IGLL5: variants seen among roughly 807,000 people sequenced by gnomAD.
IGLL5 encodes immunoglobulin lambda-like polypeptide 5.
In IGLL5, 30 loss-of-function variants were observed where a neutral mutation model predicts 20.9. The ratio of observed to expected loss-of-function variants is 1.44; its 90% CI spans 1.07 to 1.95. The LOEUF is 1.95. Ranked by LOEUF, IGLL5 falls within the 30% of genes most tolerant of loss-of-function variation. The pLI is 0.00. For missense variants in IGLL5, 475 were observed against 270.7 expected (o/e 1.75, Z -5.30); for synonymous variants, 203 against 117.3 (o/e 1.73, Z -4.72).
rs1237737356 is a variant in IGLL5 at position 22,895,844 on chromosome 22, A to G, written c.*150A>G. 1.2e-6 allele frequency: 1 copy of G among 804,416 alleles called. No homozygotes were observed. Among genetic ancestry groups the G allele is most frequent in the African/African-American group, 1.7e-5 (1 of 57,366 alleles). The allele number at this position is 804,416 out of a possible 1,614,324, so 49.8% of individuals were successfully genotyped here. A position where few individuals can be genotyped will look rare whatever the true frequency, so the allele number is the denominator to read the frequency against. On this transcript the variant is annotated 3_prime_UTR_variant, in exon 3 of 3. Coordinates refer to ENST00000526893, the MANE Select transcript of IGLL5 (RefSeq NM_001178126.2). ...CATTGACAACCAGAAATCTTGTTTT[A>G]TCTCATTTTTTTTCTCACATAAATT...
At position 22,888,022 on chromosome 22, in the gene IGLL5, C is replaced by CG; in HGVS notation, c.-29dup. The CG allele has an allele frequency of 6.5e-7, 1 of 1,529,264 alleles. No homozygotes were observed. 94.7% of individuals were successfully genotyped at this position (1,529,264 alleles called of 1,614,324 possible). On this transcript the variant is annotated 5_prime_UTR_variant, in exon 1 of 3. Transcript: ENST00000526893. ...CCTCCAGGGAGCCCATGCTGCAAGT[C>CG]GGGCCAGAGGTGCCCCTGAACCTGA... is the stretch of plus-strand genomic sequence containing the variant.
chr22:22,894,321 G>C, intron 2 of IGLL5, among the ~76,000 whole-genome samples: 1 of 151,458 alleles, frequency 6.6e-6, no homozygotes, highest in African/African-American at 2.4e-5. Flanking sequence ...TCACCCCAAG[G>C]GGAGACCAAT....
chr22:22,889,435 T>C (rs1472365819), intron 1 of IGLL5, among the ~76,000 whole-genome samples: 2 of 151,306 alleles, frequency 1.3e-5, no homozygotes, highest in Admixed American at 6.6e-5. Context: ...TCTAGGAATT[T>C]ATCCTAAGGG....
rs191090107 is a variant in IGLL5, at chr22:22,888,327, G to A, written c.206+68G>A. 5.1e-4 allele frequency: 740 copies of A among 1,460,434 alleles called. 8 individuals carry two copies. The African/African-American group carries it at 9.6e-3, about 19-fold the overall frequency. 90.5% of individuals were successfully genotyped at this position (1,460,434 alleles called of 1,614,324 possible). ...AGAGCTGGGAAAGGGTGACCAAGGG[G>A]AGACAAGCCAGAGGAGTGAGGAGGA... On this transcript the variant is annotated intron_variant, in intron 1 of 2. Coordinates refer to ENST00000526893, the MANE Select transcript of IGLL5 (RefSeq NM_001178126.2).
At chr22:22,888,793 G>A (rs550381358) in intron 1 of IGLL5, among the ~76,000 whole-genome samples, 3 of 151,418 alleles carry the variant, frequency 2.0e-5, no homozygotes, top group East Asian at 2.0e-4. Flanking sequence ...GGGAGGGTGG[G>A]ATGAACCGAG....
chr22:22,889,460 A>G (rs2067721532), intron 1 of IGLL5, among the ~76,000 whole-genome samples: 1 of 151,362 alleles, frequency 6.6e-6, no homozygotes, highest in African/African-American at 2.4e-5. Flanking sequence ...TTGGGGGAAT[A>G]ATCAAAGCTG....
chr22:22,892,509 G>A (rs1005428691), intron 1 of IGLL5, among the ~76,000 whole-genome samples: 9 of 150,984 alleles, frequency 6.0e-5, no homozygotes, highest in African/African-American at 2.2e-4. Context: ...AGGACAGAGG[G>A]CAATACAATG....
intron 1 of IGLL5, among the ~76,000 whole-genome samples, chr22:22,889,389 A>C (rs1330068939): frequency 1.3e-5 from 2 of 151,264 alleles, no homozygotes; most frequent in Non-Finnish European, 1.5e-5. Context: ...CGAGTCAAAA[A>C]ACAAAGTGTG....
In IGLL5 at chr22:22,887,863, C is replaced by T; in HGVS notation, c.-191C>T. ...TAGATGCCCCTCTGGGAGAGATCCC[C>T]AGGGGTGACAGCCATGGACCCTGGA... On this transcript the variant is annotated 5_prime_UTR_variant, in exon 1 of 3. Coordinates refer to ENST00000526893, the MANE Select transcript of IGLL5 (RefSeq NM_001178126.2). The T allele has an allele frequency of 3.2e-6, 2 of 626,832 alleles. No homozygotes were observed. Among genetic ancestry groups the T allele is most frequent in the Non-Finnish European group, 2.9e-6 (1 of 346,870 alleles). The allele number at this position is 626,832 out of a possible 1,614,324, so 38.8% of individuals were successfully genotyped here.
At chr22:22,889,471 T>G (rs574491521) in intron 1 of IGLL5, among the ~76,000 whole-genome samples, 2 of 151,346 alleles carry the variant, frequency 1.3e-5, no homozygotes, top group Non-Finnish European at 1.5e-5. Flanking sequence ...ATCAAAGCTG[T>G]AACCAAATCT....
intron 1 of IGLL5, among the ~76,000 whole-genome samples, chr22:22,893,173 C>T (rs1254724433): frequency 6.6e-6 from 1 of 151,068 alleles, no homozygotes; most frequent in Non-Finnish European, 1.5e-5. Flanking sequence ...GATGGACAAA[C>T]AGATGAACAG....
intron 2 of IGLL5, among the ~76,000 whole-genome samples, 194 bp downstream of exon 2, chr22:22,894,012 C>G (rs147100852): frequency 2.6e-5 from 4 of 151,510 alleles, no homozygotes; most frequent in South Asian, 2.1e-4. Context: ...GTGGGAGCAG[C>G]CGGATGCAGC....
chr22:22,894,491 A>C (rs2146041195), intron 2 of IGLL5, among the ~76,000 whole-genome samples: 2 of 151,484 alleles, frequency 1.3e-5, no homozygotes, highest in Admixed American at 6.6e-5. Context: ...CTTAGGGCAG[A>C]GATGTGTCTG....
chr22:22,895,303 G>T, intron 2 of IGLL5, 72 bp from the exon 3 acceptor site: 1 of 1,414,598 alleles, frequency 7.1e-7, no homozygotes, highest in Non-Finnish European at 9.8e-7. Context: ...AGAGACTTTA[G>T]ACAGAGAGAG....
At chr22:22,888,286 G>A (rs554012022) in intron 1 of IGLL5, 27 bp downstream of exon 1, 9 of 1,542,176 alleles carry the variant, frequency 5.8e-6, no homozygotes, top group African/African-American at 4.1e-5. Context: ...TCCAGGGGAT[G>A]TGGGGGTCCT....
chr22:22,893,950 GCC>G, intron 2 of IGLL5, 132 bp downstream of exon 2: 1 of 724,970 alleles, frequency 1.4e-6, no homozygotes, highest in East Asian at 2.6e-5. Context: ...TCTCCATGGG[GCC>G]TGGAGGAGGT....
At position 22,888,277 on chromosome 22, in the gene IGLL5, C is replaced by G. The variant is rs757879121; in HGVS notation, c.206+18C>G. On this transcript the variant is annotated intron_variant, in intron 1 of 2. Coordinates refer to ENST00000526893, the MANE Select transcript of IGLL5 (RefSeq NM_001178126.2). ...TGGGGCAGGTAAGGGGCAAGAGATT[C>G]CAGGGGATGTGGGGGTCCTGCAGCA... 4.5e-6 allele frequency: 7 copies of G among 1,545,030 alleles called. No individual in the cohort carries two copies. Among genetic ancestry groups the G allele is most frequent in the African/African-American group, 2.8e-5 (2 of 72,716 alleles).
chr22:22,894,122 G>T, intron 2 of IGLL5, among the ~76,000 whole-genome samples: 1 of 151,436 alleles, frequency 6.6e-6, no homozygotes, highest in East Asian at 2.0e-4. Flanking sequence ...TCTGATGAGG[G>T]GCCCTGCAGT....
chr22:22,888,576 A>C (rs532638243), intron 1 of IGLL5, among the ~76,000 whole-genome samples: 1 of 151,318 alleles, frequency 6.6e-6, no homozygotes, highest in African/African-American at 2.4e-5. Context: ...CAGGGACAGG[A>C]CATCCACAGG....
Sources: allele counts gnomAD v4.1 joint callset (sites outside exome capture counted in the v4.1 genomes callset), GRCh38; gene constraint gnomAD v4.1.1; transcripts MANE v1.5; gene names NCBI Gene and HGNC (gene_info 2026-07-23, HGNC 2026-07-21).